FAM171B: variants seen among roughly 807,000 people sequenced by gnomAD.
FAM171B encodes protein FAM171B.
In FAM171B, 19 loss-of-function variants were observed where a neutral mutation model predicts 75.6. That is an observed-to-expected ratio of 0.25 (90% CI 0.18 to 0.37). FAM171B has a LOEUF of 0.37. Among genes scored for constraint, FAM171B ranks in the 10% least tolerant of loss-of-function variants. The probability of loss-of-function intolerance (pLI) is 1.00; values close to 1 mark genes in which losing one functional copy is unlikely to be tolerated. For missense variants in FAM171B, 848 were observed against 982.4 expected, an observed-to-expected ratio of 0.86 and a Z score of 1.83; for synonymous variants, 367 against 361.7, an observed-to-expected ratio of 1.01 and a Z score of -0.17.
chr2:186,721,834 T>G (rs952305770), intron 1 of FAM171B, among the ~76,000 whole-genome samples: 2 of 151,894 alleles, frequency 1.3e-5, no homozygotes, highest in Non-Finnish European at 2.9e-5. Context: ...GTCCCCTCAG[T>G]GTCTCAGTAG....
chr2:186,747,195 G>A lies in FAM171B; in HGVS notation c.669G>A (p.Gln223=). Residue 223 remains glutamine (Q), a synonymous_variant, in exon 4 of 8, where the codon CAG becomes CAA. Transcript: ENST00000304698. Reference sequence around the variant, plus strand: ...CTGGCTATCTTACAGTTCTACAACAGTTTTTGAAAGTGGACAATTTTCTGC... The same window carrying A: ...CTGGCTATCTTACAGTTCTACAACAATTTTTGAAAGTGGACAATTTTCTGC... ...NVTGYLTVLQ[Q]FLKVDNFLHT... is the part of the protein sequence containing the mutation. 1 of 1,603,264 alleles carries A rather than the reference G, an allele frequency of 6.2e-7. No homozygotes were observed. The highest frequency in any genetic ancestry group is 8.5e-7 in the Non-Finnish European group (1 of 1,175,852).
intron 1 of FAM171B, among the ~76,000 whole-genome samples, chr2:186,702,092 A>G (rs1029867437): frequency 2.0e-5 from 3 of 152,228 alleles, no homozygotes; most frequent in African/African-American, 7.2e-5. Flanking sequence ...GCAGTCCTGC[A>G]TTATTGAACA....
intron 1 of FAM171B, among the ~76,000 whole-genome samples, chr2:186,729,975 G>A (rs1338713935): frequency 5.3e-5 from 8 of 151,558 alleles, no homozygotes. Flanking sequence ...GTTTGTTTTT[G>A]AGACAGAGTC....
At position 186,762,520 on chromosome 2, in the gene FAM171B, C is replaced by T; in HGVS notation, c.2178C>T (p.Phe726=). The change falls in exon 8 of 8, where the codon TTC becomes TTT. Residue 726 remains phenylalanine (F), a synonymous_variant. Transcript: ENST00000304698. The surrounding 1 kb of genome is among the most constrained non-coding windows in gnomAD (Gnocchi z 4.0). ...GAAAGCTCGAGAGGGAGAAAACATT[C>T]ATCAAAAGCATGCATCAGCCCAAGA... ...SSRKLEREKT[F]IKSMHQPKIL... The T allele has an allele frequency of 6.2e-7, 1 of 1,613,526 alleles. No individual in the cohort carries two copies. The highest frequency in any genetic ancestry group is 1.1e-5 in the South Asian group (1 of 91,074).
intron 1 of FAM171B, among the ~76,000 whole-genome samples, chr2:186,696,187 G>A (rs943495025): frequency 6.6e-6 from 1 of 151,954 alleles, no homozygotes; most frequent in Non-Finnish European, 1.5e-5. Context: ...CACACTCTTC[G>A]ATAGATCAAA....
chr2:186,721,039 TTTAGTAAG>T (rs1349456149), intron 1 of FAM171B, among the ~76,000 whole-genome samples: 1 of 152,150 alleles, frequency 6.6e-6, no homozygotes, highest in Non-Finnish European at 1.5e-5. Context: ...TTCTTACTGT[TTTAGTAAG>T]AGAAACAGAA....
rs755324829 is a variant in FAM171B at position 186,694,385 on chromosome 2, G to C, written c.212G>C (p.Gly71Ala). ...EAEEERTEVP[G>A]ATSTLTVPVS... ...GAGGAGGAGAGGACAGAGGTGCCTG[G>C]GGCAACCTCCACCTTGACGGTTCCA... Residue 71 changes from glycine (G) to alanine (A), a missense_variant, in exon 1 of 8, where the codon GGG becomes GCG. Coordinates refer to ENST00000304698, the MANE Select transcript of FAM171B (RefSeq NM_177454.4). 8 of 1,612,590 alleles carry C rather than the reference G, an allele frequency of 5.0e-6. No homozygotes were observed. Among genetic ancestry groups the C allele is most frequent in the South Asian group, 1.1e-5 (1 of 90,514 alleles).
At chr2:186,730,889 A>G (rs1295395963) in intron 1 of FAM171B, among the ~76,000 whole-genome samples, 1 of 152,092 alleles carries the variant, frequency 6.6e-6, no homozygotes, top group Non-Finnish European at 1.5e-5. Flanking sequence ...ATTGAGATTT[A>G]TCTGTAAATC....
chr2:186,706,032 C>G (rs1436531446), intron 1 of FAM171B, among the ~76,000 whole-genome samples: 1 of 152,140 alleles, frequency 6.6e-6, no homozygotes. Flanking sequence ...ATGGCTGTTC[C>G]ACTGAAAGAT....
intron 1 of FAM171B, among the ~76,000 whole-genome samples, chr2:186,711,177 A>G (rs1366160513): frequency 6.6e-6 from 1 of 152,214 alleles, no homozygotes; most frequent in Non-Finnish European, 1.5e-5. Flanking sequence ...TTATTTGTGC[A>G]AATAGCATAC....
Position 186,762,616 on chromosome 2 carries a change from A to G in FAM171B, c.2274A>G (p.Pro758=). 6.2e-7 allele frequency: 1 copy of G among 1,613,458 alleles called. No individual in the cohort carries two copies. Among genetic ancestry groups the G allele is most frequent in the South Asian group, 1.1e-5 (1 of 91,072 alleles). ...CCACCGTCTGTTCCCCTGAGGACCC[A>G]GCTTTAAGGCACATCCTAGATGGAG... The part of the protein sequence containing the change: ...SGTTVCSPED[P]ALRHILDGGS... The change falls in exon 8 of 8, where the codon CCA becomes CCG. Residue 758 remains proline (P), a synonymous_variant. Coordinates refer to ENST00000304698, the MANE Select transcript of FAM171B (RefSeq NM_177454.4). This position sits in a 1 kb window ranked among gnomAD's most constrained non-coding sequence, Gnocchi z 4.0.
chr2:186,694,474 G>T, intron 1 of FAM171B, 63 bp downstream of exon 1: 1 of 1,534,502 alleles, frequency 6.5e-7, no homozygotes, highest in Non-Finnish European at 8.8e-7. Context: ...GGGCCTCGCC[G>T]GCTTCCTCGC....
chr2:186,726,238 C>T (rs1347981813), intron 1 of FAM171B, among the ~76,000 whole-genome samples: 1 of 152,120 alleles, frequency 6.6e-6, no homozygotes, highest in Non-Finnish European at 1.5e-5. Flanking sequence ...TATTAGTTTA[C>T]TGCAAGTAAA....
At chr2:186,723,457 T>G (rs9789704) in intron 1 of FAM171B, among the ~76,000 whole-genome samples, 1 of 151,778 alleles carries the variant, frequency 6.6e-6, no homozygotes, top group Non-Finnish European at 1.5e-5. Flanking sequence ...ATGTCTTTTT[T>G]TTATTATTAT....
intron 2 of FAM171B, among the ~76,000 whole-genome samples, chr2:186,741,095 A>T (rs1690282633): frequency 6.6e-6 from 1 of 152,164 alleles, no homozygotes; most frequent in African/African-American, 2.4e-5. Flanking sequence ...TACAAATTGG[A>T]CACTTAGTAT....
intron 1 of FAM171B, among the ~76,000 whole-genome samples, chr2:186,717,347 G>A (rs1185686048): frequency 1.3e-5 from 2 of 152,166 alleles, no homozygotes; most frequent in African/African-American, 2.4e-5. Context: ...TGTTGGGGGC[G>A]CAGTTGAGAT....
At chr2:186,724,765 G>T (rs1368653869) in intron 1 of FAM171B, among the ~76,000 whole-genome samples, 1 of 152,146 alleles carries the variant, frequency 6.6e-6, no homozygotes, top group Non-Finnish European at 1.5e-5. Context: ...GGAGGTGAGA[G>T]CGTGCCTGGA....
In FAM171B at chr2:186,762,229, A is replaced by G; in HGVS notation, c.1887A>G (p.Glu629=). Residue 629 remains glutamate (E), a synonymous_variant, in exon 8 of 8, where the codon GAA becomes GAG. Transcript: ENST00000304698. The surrounding 1 kb of genome is among the most constrained non-coding windows in gnomAD (Gnocchi z 4.0). ...GCCGATACTCAAGCAGCTTACTGGA[A>G]TCCGTCTCTGTTCCTGGAACACTAA... The part of the protein sequence containing the change: ...DWSRYSSSLL[E]SVSVPGTLNE... 1.9e-6 allele frequency: 3 copies of G among 1,613,718 alleles called. No individual in the cohort carries two copies. In the African/African-American group the frequency reaches 4.0e-5, roughly 22 times the overall value.
At chr2:186,733,800 C>T (rs892912095) in intron 1 of FAM171B, among the ~76,000 whole-genome samples, 3 of 152,268 alleles carry the variant, frequency 2.0e-5, no homozygotes, top group Admixed American at 6.5e-5. Flanking sequence ...AAGTGGCTTC[C>T]GCTACAGGCA....
Sources: gnomAD v4.1 joint callset for allele counts (sites outside exome capture counted in the v4.1 genomes callset) on GRCh38, gnomAD v4.1.1 for gene constraint, Gnocchi (gnomAD v3.1) non-coding constraint, MANE v1.5 for transcripts, NCBI Gene and HGNC (gene_info 2026-07-23, HGNC 2026-07-21) for gene names.